Variants in ZW10 observed in about 807,000 individuals in gnomAD.
ZW10 encodes the protein zw10 kinetochore protein, also known as centromere/kinetochore protein zw10 homolog.
A neutral mutation model predicts 87.8 loss-of-function variants in ZW10; 53 were observed. That is an observed-to-expected ratio of 0.60 (90% CI 0.48 to 0.76). ZW10 has a LOEUF of 0.76. Among genes scored for constraint, ZW10 ranks in the 30% least tolerant of loss-of-function variants. The pLI is 0.00. For missense variants in ZW10, 837 were observed against 923.0 expected (o/e 0.91, Z 1.21); for synonymous variants, 312 against 329.2 (o/e 0.95, Z 0.57).
chr11:113,760,664 TC>T, intron 3 of ZW10, 74 bp from the exon 4 acceptor site: 1 of 1,265,192 alleles, frequency 7.9e-7, no homozygotes, highest in Non-Finnish European at 1.1e-6. Flanking sequence ...TAAGAAATGC[TC>T]CCACTTTCCC....
At chr11:113,766,621 C>T (rs1953909603) in intron 2 of ZW10, among the ~76,000 whole-genome samples, 2 of 138,928 alleles carry the variant, frequency 1.4e-5, no homozygotes, top group Non-Finnish European at 3.0e-5. Flanking sequence ...TTGCAGTGAG[C>T]CGAGATCGTG....
chr11:113,760,821 T>G lies in ZW10; in HGVS notation c.338A>C (p.Gln113Pro). The G allele has an allele frequency of 6.2e-7, 1 of 1,613,896 alleles. No homozygotes were observed. Among genetic ancestry groups the G allele is most frequent in the Non-Finnish European group, 8.5e-7 (1 of 1,179,876 alleles). Residue 113 changes from glutamine (Q) to proline (P), a missense_variant, in exon 3 of 16, where the codon CAG (glutamine) becomes CCG (proline). Coordinates refer to ENST00000200135, the MANE Select transcript of ZW10 (RefSeq NM_004724.4). ...SVVLSLLKQL[Q>P]EFSTAIEEYN... ...GTTCAAGTTGAGTTTACTGACCTCC[T>G]GCAACTGTTTAAGCAAACTTAGGAC...
chr11:113,745,102 A>C (rs1447085458), intron 9 of ZW10, among the ~76,000 whole-genome samples: 2 of 152,146 alleles, frequency 1.3e-5, no homozygotes, highest in East Asian at 3.8e-4. Context: ...TATTAAAAAA[A>C]AAAAGCTTCA....
intron 14 of ZW10, 99 bp downstream of exon 14, chr11:113,737,457 AGCATGAGTTAGACATG>A: frequency 9.0e-7 from 1 of 1,108,488 alleles, no homozygotes; most frequent in East Asian, 2.5e-5. Context: ...AAAAAAAAAC[AGCATGAGTTAGACATG>A]AAACATGAAC....
At chr11:113,769,045 CA>C in intron 1 of ZW10, 78 bp from the exon 2 acceptor site, 5 of 1,475,454 alleles carry the variant, frequency 3.4e-6, no homozygotes, top group Non-Finnish European at 4.7e-6. Context: ...TCATCTTCCA[CA>C]AGGCATTTTC....
Position 113,761,530 on chromosome 11 carries a change from C to T in ZW10, c.241-612G>A, listed in dbSNP as rs564012012. On this transcript the variant is annotated intron_variant, in intron 2 of 15. Coordinates refer to ENST00000200135, the MANE Select transcript of ZW10 (RefSeq NM_004724.4). ...TCCTGGACTCAAGCGATCTGCCCAC[C>T]TTGGCCTCCCAAAGTGCTGAGATTG... is the stretch of plus-strand genomic sequence containing the variant. Among the ~76,000 whole-genome samples the T allele has an allele frequency of 2.5e-4, 38 of 152,276 alleles. No individual in the cohort carries two copies. In the South Asian group the frequency reaches 7.7e-3, roughly 31 times the overall value.
intron 10 of ZW10, among the ~76,000 whole-genome samples, chr11:113,743,305 G>A (rs574280099): frequency 6.6e-6 from 1 of 152,214 alleles, no homozygotes; most frequent in Non-Finnish European, 1.5e-5. Context: ...GTTTCAAAAG[G>A]TAAAAAGAAT....
At chr11:113,744,756 A>G (rs778521769) in intron 9 of ZW10, among the ~76,000 whole-genome samples, 2 of 152,076 alleles carry the variant, frequency 1.3e-5, no homozygotes, top group Non-Finnish European at 2.9e-5. Flanking sequence ...AGGTCTTGCT[A>G]TATGGCCCAG....
chr11:113,763,647 C>T (rs776197212), intron 2 of ZW10, among the ~76,000 whole-genome samples: 4 of 152,066 alleles, frequency 2.6e-5, no homozygotes, highest in Non-Finnish European at 4.4e-5. Flanking sequence ...GTTTGTAGGC[C>T]GCATAAATGT....
chr11:113,751,891 T>A (rs1308264011), intron 7 of ZW10, among the ~76,000 whole-genome samples: 1 of 151,830 alleles, frequency 6.6e-6, no homozygotes, highest in Non-Finnish European at 1.5e-5. Context: ...AAGAGAAGAC[T>A]AATGATTCCC....
At chr11:113,734,093 T>A (rs1230531087) in intron 15 of ZW10, among the ~76,000 whole-genome samples, 1 of 152,166 alleles carries the variant, frequency 6.6e-6, no homozygotes, top group Non-Finnish European at 1.5e-5. Flanking sequence ...GAACTAATAA[T>A]GATGACCATA....
Position 113,757,865 on chromosome 11 carries a change from T to C in ZW10, c.734-12A>G, listed in dbSNP as rs1187976655. The C allele has an allele frequency of 4.4e-6, 7 of 1,573,526 alleles. No individual in the cohort carries two copies. Among genetic ancestry groups the C allele is most frequent in the Middle Eastern group, 1.7e-4 (1 of 5,848 alleles). ...CAGCAGCATCTGACCTGAAAAATCATATGAACATTCATCAAAAAATCACCA... is the reference window on the plus strand; with the variant it reads ...CAGCAGCATCTGACCTGAAAAATCACATGAACATTCATCAAAAAATCACCA... On this transcript the variant is annotated splice_polypyrimidine_tract_variant and intron_variant, in intron 6 of 15. Transcript: ENST00000200135.
intron 7 of ZW10, among the ~76,000 whole-genome samples, chr11:113,754,168 C>G (rs1275480960): frequency 2.6e-5 from 4 of 152,126 alleles, no homozygotes; most frequent in African/African-American, 9.7e-5. Flanking sequence ...AAGATGAAAC[C>G]ATGTTCATCA....
intron 5 of ZW10, among the ~76,000 whole-genome samples, chr11:113,759,931 C>G (rs1036886946): frequency 6.6e-6 from 1 of 152,148 alleles, no homozygotes; most frequent in Non-Finnish European, 1.5e-5. Flanking sequence ...TCTCCTCTAG[C>G]ACACTCTCAC....
chr11:113,757,466 T>A (rs1390318661), intron 7 of ZW10, among the ~76,000 whole-genome samples, 196 bp downstream of exon 7: 1 of 152,136 alleles, frequency 6.6e-6, no homozygotes, highest in Non-Finnish European at 1.5e-5. Context: ...GCCCTACTTG[T>A]CAATACAATG....
At chr11:113,770,836 A>C (rs1180273769) in intron 1 of ZW10, among the ~76,000 whole-genome samples, 1 of 151,480 alleles carries the variant, frequency 6.6e-6, no homozygotes, top group Non-Finnish European at 1.5e-5. Context: ...AAGAAAAAAA[A>C]AAAAAAAGAA....
chr11:113,763,616 T>C (rs1953884568), intron 2 of ZW10, among the ~76,000 whole-genome samples: 1 of 152,188 alleles, frequency 6.6e-6, no homozygotes, highest in South Asian at 2.1e-4. Flanking sequence ...TCTGATTCAG[T>C]GATGTTGAGC....
In ZW10 at chr11:113,758,687, A is replaced by T. The variant is rs902882036; in HGVS notation, c.600T>A (p.Ser200=). Reference sequence around the variant, plus strand: ...ATAAATGAAGTTCAGTTTGTAGGTAAGATTCCAAACTGCTGGTATCTAAGA... The same window carrying T: ...ATAAATGAAGTTCAGTTTGTAGGTATGATTCCAAACTGCTGGTATCTAAGA... The part of the protein sequence containing the change: ...PPSKDTSSLE[S]YLQTELHLYT... Residue 200 remains serine (S), a synonymous_variant, in exon 6 of 16, where the codon TCT becomes TCA. Coordinates refer to ENST00000200135, the MANE Select transcript of ZW10 (RefSeq NM_004724.4). The T allele has an allele frequency of 6.2e-7, 1 of 1,613,972 alleles. No individual in the cohort carries two copies. The highest frequency in any genetic ancestry group is 8.5e-7 in the Non-Finnish European group (1 of 1,180,014).
chr11:113,767,417 C>T (rs890548288), intron 2 of ZW10, among the ~76,000 whole-genome samples: 1 of 152,014 alleles, frequency 6.6e-6, no homozygotes, highest in Non-Finnish European at 1.5e-5. Flanking sequence ...CCCAGTTATC[C>T]CTGACTCCTA....
Sources: gnomAD v4.1 joint callset for allele counts (sites outside exome capture counted in the v4.1 genomes callset) on GRCh38, gnomAD v4.1.1 for gene constraint, MANE v1.5 for transcripts, NCBI Gene and HGNC (gene_info 2026-07-23, HGNC 2026-07-21) for gene names.